Variants in ANKRD6 observed in about 807,000 individuals in gnomAD.
ANKRD6 encodes ankyrin repeat domain-containing protein 6.
Under a neutral mutation model 82.3 loss-of-function variants are expected in ANKRD6, and 56 were observed. That is an observed-to-expected ratio of 0.68 (90% CI 0.55 to 0.85). The LOEUF is 0.85. ANKRD6 is among the 40% of genes least tolerant of loss of function. ANKRD6 has a pLI of 0.00. For synonymous variants in ANKRD6, 347 were observed against 352.1 expected (o/e 0.99, Z 0.16); for missense variants, 852 against 907.6 (o/e 0.94, Z 0.79).
At chr6:89,468,586 T>C (rs1260483277) in intron 1 of ANKRD6, among the ~76,000 whole-genome samples, 5 of 119,742 alleles carry the variant, frequency 4.2e-5, no homozygotes, top group Admixed American at 3.2e-4. Context: ...ACACTAATGA[T>C]AGTTGATGAG....
intron 1 of ANKRD6, among the ~76,000 whole-genome samples, chr6:89,535,052 G>A (rs1783648207): frequency 6.6e-6 from 1 of 152,184 alleles, no homozygotes; most frequent in Non-Finnish European, 1.5e-5. Context: ...CTCAGCTTAA[G>A]TAGAGCACAT....
intron 1 of ANKRD6, among the ~76,000 whole-genome samples, chr6:89,555,289 G>A (rs1786441288): frequency 1.3e-5 from 2 of 151,954 alleles, no homozygotes; most frequent in Admixed American, 1.3e-4. Flanking sequence ...TAGAATATAA[G>A]AAGAGAGGCC....
intron 1 of ANKRD6, among the ~76,000 whole-genome samples, chr6:89,440,032 A>T (rs1335947543): frequency 1.3e-5 from 2 of 152,156 alleles, no homozygotes; most frequent in Admixed American, 6.6e-5. Context: ...TTCCTGTTTC[A>T]TGGTGCTCAT....
Position 89,630,774 on chromosome 6 carries a change from G to T in ANKRD6, c.1954G>T (p.Glu652Ter). 1 of 1,613,902 alleles carries T rather than the reference G, an allele frequency of 6.2e-7. No homozygotes were observed. Among genetic ancestry groups the T allele is most frequent in the South Asian group, 1.1e-5 (1 of 91,074 alleles). Residue 652 changes from glutamate to a stop codon, truncating the protein, a stop_gained, in exon 16 of 16, where the codon GAG (glutamate) becomes TAG (stop). Coordinates refer to ENST00000339746, the MANE Select transcript of ANKRD6 (RefSeq NM_001242809.2). LOFTEE classifies it high-confidence loss of function. ...CGQPPPATGS[E>*]QTGPHIRDTS... ...GCAGCCGCCACCAGCCACAGGCAGCGAGCAGACTGGCCCTCACATTCGGGA... is the reference window on the plus strand; with the variant it reads ...GCAGCCGCCACCAGCCACAGGCAGCTAGCAGACTGGCCCTCACATTCGGGA...
At chr6:89,440,806 G>A (rs1211041337) in intron 1 of ANKRD6, among the ~76,000 whole-genome samples, 73 of 139,508 alleles carry the variant, frequency 5.2e-4, no homozygotes, top group Non-Finnish European at 6.4e-4. Flanking sequence ...ATCCCATCTC[G>A]AAAAAAAAAA....
intron 1 of ANKRD6, among the ~76,000 whole-genome samples, chr6:89,521,273 A>T (rs1183301217): frequency 6.6e-6 from 1 of 152,154 alleles, no homozygotes; most frequent in African/African-American, 2.4e-5. Flanking sequence ...AAAGAATCCT[A>T]CAAGGTGCTG....
At chr6:89,484,015 C>T (rs1028097503) in intron 1 of ANKRD6, among the ~76,000 whole-genome samples, 14 of 152,098 alleles carry the variant, frequency 9.2e-5, no homozygotes, top group South Asian at 2.1e-4. Flanking sequence ...AAGCGCTTCT[C>T]GTGCCTCAGT....
chr6:89,590,613 C>G (rs1170073497), intron 2 of ANKRD6, among the ~76,000 whole-genome samples: 2 of 152,316 alleles, frequency 1.3e-5, no homozygotes, highest in African/African-American at 4.8e-5. Context: ...CACCCAAGAA[C>G]TTGGGAGCTG....
intron 7 of ANKRD6, among the ~76,000 whole-genome samples, chr6:89,615,903 T>C (rs1801450799): frequency 6.6e-6 from 1 of 152,254 alleles, no homozygotes; most frequent in African/African-American, 2.4e-5. Flanking sequence ...AGCATATTTC[T>C]TGTATAAAGA....
At chr6:89,448,003 T>C (rs918277766) in intron 1 of ANKRD6, among the ~76,000 whole-genome samples, 1 of 151,806 alleles carries the variant, frequency 6.6e-6, no homozygotes, top group African/African-American at 2.4e-5. Context: ...AGGACTTTCA[T>C]AGCTAGAAAA....
In ANKRD6 at chr6:89,603,110, C is replaced by G; in HGVS notation, c.301C>G (p.Leu101Val). The G allele has an allele frequency of 6.2e-7, 1 of 1,604,698 alleles. No individual in the cohort carries two copies. The highest frequency in any genetic ancestry group is 8.5e-7 in the Non-Finnish European group (1 of 1,176,072). The change falls in exon 4 of 16, where the codon CTG (leucine) becomes GTG (valine). Residue 101 changes from leucine to valine, a missense_variant. Transcript: ENST00000339746. ...GGCGCTCATCCACGAAGGGTGTGCC[C>G]TGGACAGACAAGACAAGGTGAGTGG... is the stretch of plus-strand genomic sequence containing the variant. ...IAALIHEGCA[L>V]DRQDKDGNTA...
intron 1 of ANKRD6, among the ~76,000 whole-genome samples, chr6:89,482,261 G>A (rs1562603115): frequency 1.3e-5 from 2 of 152,152 alleles, no homozygotes; most frequent in Non-Finnish European, 2.9e-5. Context: ...GGAATTTAAG[G>A]GAATGGGATC....
intron 2 of ANKRD6, among the ~76,000 whole-genome samples, chr6:89,592,789 C>G (rs1004073061): frequency 3.9e-5 from 6 of 152,062 alleles, no homozygotes; most frequent in African/African-American, 1.4e-4. Flanking sequence ...TCTCTTGAGA[C>G]ACACACACAA....
intron 2 of ANKRD6, among the ~76,000 whole-genome samples, chr6:89,582,424 C>T (rs970194795): frequency 5.3e-5 from 8 of 152,128 alleles, no homozygotes; most frequent in African/African-American, 1.9e-4. Context: ...CTCCTGGGCT[C>T]AAGCAGTCTT....
chr6:89,532,794 C>A (rs141861178), intron 1 of ANKRD6, among the ~76,000 whole-genome samples: 2 of 152,054 alleles, frequency 1.3e-5, no homozygotes, highest in Admixed American at 6.6e-5. Context: ...CTTTGCCTCC[C>A]GGGCTCAAGC....
rs949517861 is a variant in ANKRD6, at chr6:89,613,965, C to T, written c.615+75C>T. On this transcript the variant is annotated intron_variant, in intron 7 of 15. Transcript: ENST00000339746. Reference sequence around the variant, plus strand: ...TACCGGACAGGTCTGTTAGTGCAAACGGGAGCAGAGGCTGCTGGGAAGCTG... The same window carrying T: ...TACCGGACAGGTCTGTTAGTGCAAATGGGAGCAGAGGCTGCTGGGAAGCTG... The T allele has an allele frequency of 3.6e-4, 530 of 1,472,240 alleles. 2 individuals are homozygous for T. The highest frequency in any genetic ancestry group is 1.8e-3 in the South Asian group (147 of 81,640). The allele number at this position is 1,472,240 out of a possible 1,614,324, so 91.2% of individuals were successfully genotyped here.
chr6:89,623,992 C>T lies in ANKRD6; in HGVS notation c.1153C>T (p.Pro385Ser), dbSNP rs1423631012. The part of the protein sequence containing the change: ...NRHRCSSPPP[P>S]HEFRAYQLYT... ...GCATCGGTGTTCATCCCCACCCCCA[C>T]CCCATGAGTTCAGGGCGTATCAGCT... The change falls in exon 12 of 16, where the codon CCC becomes TCC. Residue 385 changes from proline to serine, a missense_variant. Coordinates refer to ENST00000339746, the MANE Select transcript of ANKRD6 (RefSeq NM_001242809.2). The T allele has an allele frequency of 1.2e-6, 2 of 1,612,076 alleles. No individual in the cohort carries two copies. The highest frequency in any genetic ancestry group is 1.7e-6 in the Non-Finnish European group (2 of 1,179,198).
In ANKRD6 at chr6:89,502,398, C is replaced by G. The variant is rs530309488; in HGVS notation, c.-143-64436C>G. On this transcript the variant is annotated intron_variant, in intron 1 of 15. Transcript: ENST00000339746. ...TGGTGTCTCATGCTTGTAATCCTAG[C>G]ACTTTGGGAGGCTGAAGCAGGTGGA... Among the ~76,000 whole-genome samples, 4 of 152,198 alleles carry G rather than the reference C, an allele frequency of 2.6e-5. No homozygotes were observed. The East Asian group carries it at 7.7e-4, about 29-fold the overall frequency.
In ANKRD6 at chr6:89,503,606, T is replaced by C. The variant is rs183131578; in HGVS notation, c.-143-63228T>C. On this transcript the variant is annotated intron_variant, in intron 1 of 15. Transcript: ENST00000339746. Reference sequence around the variant, plus strand: ...AAGTGCCTGCTATATGTGGCTGATATAGGCTTGAACAAAACAAGTTCTATT... The same window carrying C: ...AAGTGCCTGCTATATGTGGCTGATACAGGCTTGAACAAAACAAGTTCTATT... Among the ~76,000 whole-genome samples, 49 of 152,326 alleles carry C rather than the reference T, an allele frequency of 3.2e-4. No individual in the cohort carries two copies. The East Asian group carries it at 4.6e-3, about 14-fold the overall frequency.
Sources: allele counts gnomAD v4.1 joint callset (sites outside exome capture counted in the v4.1 genomes callset), GRCh38; gene constraint gnomAD v4.1.1; transcripts MANE v1.5; gene names NCBI Gene and HGNC (gene_info 2026-07-23, HGNC 2026-07-21).